Variants in ASIC2 observed in about 807,000 individuals in gnomAD.
ASIC2 encodes the protein acid-sensing ion channel 2.
In ASIC2, 25 loss-of-function variants were observed where a neutral mutation model predicts 57.3. The observed-to-expected ratio is 0.44, with a 90% CI of 0.32 to 0.61. The LOEUF is 0.61. ASIC2 is among the 20% of genes least tolerant of loss of function. The probability of loss-of-function intolerance (pLI) is 0.06; values close to 1 mark genes in which losing one functional copy is unlikely to be tolerated. For missense variants in ASIC2, 641 were observed against 738.1 expected, an observed-to-expected ratio of 0.87 and a Z score of 1.52; for synonymous variants, 319 against 307.5, an observed-to-expected ratio of 1.04 and a Z score of -0.39.
In ASIC2 at chr17:33,770,927, T is replaced by A. The variant is rs1911084489; in HGVS notation, c.555+385051A>T. Among the ~76,000 whole-genome samples the A allele has an allele frequency of 1.3e-5, 2 of 152,146 alleles. 1 individual carries two copies. The highest frequency in any genetic ancestry group is 4.1e-4 in the South Asian group (2 of 4,826). ...TTCTGGCACAAAGGAACATTCATTG[T>A]CTGGGTATTATTTGTCTATCTGTGG... On this transcript the variant is annotated intron_variant, in intron 1 of 9. Coordinates refer to the ASIC2 transcript ENST00000359872.
intron 1 of ASIC2, among the ~76,000 whole-genome samples, chr17:33,953,830 A>G (rs1904652509): frequency 6.6e-6 from 1 of 152,156 alleles, no homozygotes; most frequent in South Asian, 2.1e-4. Context: ...GGTTGGGGTA[A>G]ATAAGTATAT....
intron 1 of ASIC2, chr17:34,041,285 G>A (rs1318227492): frequency 1.3e-5 from 2 of 152,330 alleles, no homozygotes; most frequent in East Asian, 3.9e-4. Context: ...GGAGGCAGAA[G>A]AAGAGACTGG....
At chr17:33,758,853 C>G (rs1046183028) in intron 1 of ASIC2, among the ~76,000 whole-genome samples, 1 of 151,140 alleles carries the variant, frequency 6.6e-6, no homozygotes, top group Non-Finnish European at 1.5e-5. Flanking sequence ...ACATAAATTC[C>G]TTTTCTTTAT....
At chr17:33,063,630 A>G (rs1293664949) in intron 3 of ASIC2, among the ~76,000 whole-genome samples, 1 of 152,072 alleles carries the variant, frequency 6.6e-6, no homozygotes, top group Admixed American at 6.5e-5. Context: ...GAGTCTGACA[A>G]TTATGTGTCT....
At chr17:34,140,366 T>C (rs1311538765) in intron 1 of ASIC2, among the ~76,000 whole-genome samples, 1 of 152,228 alleles carries the variant, frequency 6.6e-6, no homozygotes, top group Non-Finnish European at 1.5e-5. Context: ...TGTAAATTCC[T>C]GGTTTGAGAT....
At chr17:33,940,530 C>G (rs950253065) in intron 1 of ASIC2, among the ~76,000 whole-genome samples, 1 of 151,992 alleles carries the variant, frequency 6.6e-6, no homozygotes, top group African/African-American at 2.4e-5. Flanking sequence ...CCACATCCAT[C>G]CCTTCCTTCC....
At chr17:33,760,291 T>C (rs1207545730) in intron 1 of ASIC2, among the ~76,000 whole-genome samples, 1 of 152,014 alleles carries the variant, frequency 6.6e-6, no homozygotes, top group Non-Finnish European at 1.5e-5. Context: ...AATATATATA[T>C]AGTATTTATA....
intron 1 of ASIC2, among the ~76,000 whole-genome samples, chr17:33,768,773 T>A (rs770708904): frequency 1.3e-5 from 2 of 151,848 alleles, no homozygotes; most frequent in African/African-American, 2.4e-5. Context: ...GGCCCACCCT[T>A]CCCCCATCCA....
At chr17:33,756,632 G>T (rs971739988) in intron 1 of ASIC2, among the ~76,000 whole-genome samples, 2 of 152,212 alleles carry the variant, frequency 1.3e-5, no homozygotes, top group African/African-American at 4.8e-5. Context: ...ACCTGGGCTG[G>T]GAAGGGCACT....
chr17:33,898,018 G>A (rs1915139061), intron 1 of ASIC2, among the ~76,000 whole-genome samples: 2 of 152,124 alleles, frequency 1.3e-5, no homozygotes, highest in Admixed American at 1.3e-4. Context: ...GGGTGAATGA[G>A]ATGAAAATAT....
intron 1 of ASIC2, among the ~76,000 whole-genome samples, chr17:34,081,474 C>CCAGCAATT: frequency 6.6e-6 from 1 of 152,248 alleles, no homozygotes; most frequent in East Asian, 1.9e-4. Context: ...GTAGATGCCA[C>CCAGCAATT]CAGATGGTGC....
intron 1 of ASIC2, among the ~76,000 whole-genome samples, chr17:33,980,156 A>G (rs1382714580): frequency 6.6e-6 from 1 of 152,154 alleles, no homozygotes; most frequent in African/African-American, 2.4e-5. Flanking sequence ...CACTGGGACA[A>G]GCATAAGCGG....
intron 1 of ASIC2, among the ~76,000 whole-genome samples, chr17:33,583,105 A>G (rs562495457): frequency 3.1e-3 from 470 of 152,330 alleles, no homozygotes; most frequent in South Asian, 8.3e-3. Context: ...GGCTTGGTCT[A>G]AGGTAAGGCT....
intron 5 of ASIC2, among the ~76,000 whole-genome samples, chr17:33,024,751 C>G (rs1382182718): frequency 6.6e-6 from 1 of 152,170 alleles, no homozygotes; most frequent in Non-Finnish European, 1.5e-5. Flanking sequence ...TCTGATCACC[C>G]TGGCCTGCCT....
chr17:33,629,467 T>C (rs548773535), intron 1 of ASIC2, among the ~76,000 whole-genome samples: 1 of 152,318 alleles, frequency 6.6e-6, no homozygotes, highest in South Asian at 2.1e-4. Flanking sequence ...ATAAAGTATC[T>C]ATAAAAATAG....
intron 1 of ASIC2, among the ~76,000 whole-genome samples, chr17:34,145,861 C>CA (rs1373649847): frequency 2.0e-5 from 3 of 152,208 alleles, no homozygotes; most frequent in African/African-American, 7.2e-5. Flanking sequence ...AGGACACTGC[C>CA]AACATCAAAT....
intron 1 of ASIC2, among the ~76,000 whole-genome samples, chr17:34,034,628 A>C (rs985268038): frequency 5.9e-5 from 9 of 152,256 alleles, no homozygotes; most frequent in African/African-American, 1.2e-4. Flanking sequence ...GTCTCAGCCC[A>C]AAATCTCCTC....
intron 1 of ASIC2, among the ~76,000 whole-genome samples, chr17:33,774,741 G>T (rs1911213990): frequency 6.6e-6 from 1 of 152,164 alleles, no homozygotes; most frequent in Non-Finnish European, 1.5e-5. Flanking sequence ...CTAGAATTCT[G>T]CTAGTAAAGA....
At chr17:33,593,275 G>C (rs1161631837) in intron 1 of ASIC2, among the ~76,000 whole-genome samples, 1 of 152,198 alleles carries the variant, frequency 6.6e-6, no homozygotes. Flanking sequence ...TCTTTCCAGT[G>C]GTTTTGAATC....
Sources: gnomAD v4.1 joint callset for allele counts (sites outside exome capture counted in the v4.1 genomes callset) on GRCh38, gnomAD v4.1.1 for gene constraint, MANE v1.5 for transcripts, NCBI Gene and HGNC (gene_info 2026-07-23, HGNC 2026-07-21) for gene names.